Variants in CNTN5 observed in about 807,000 individuals in gnomAD.
CNTN5 encodes the protein contactin-5.
CNTN5 carries 77 observed loss-of-function variants against 129.1 expected under a neutral mutation model. That is an observed-to-expected ratio of 0.60 (90% confidence interval 0.50 to 0.72). The LOEUF (loss-of-function observed/expected upper bound fraction) is 0.72. CNTN5 is among the 30% of genes least tolerant of loss of function. The pLI, the probability that CNTN5 is intolerant of heterozygous loss-of-function variation, is 0.00. For synonymous variants in CNTN5, 509 were observed against 465.6 expected (o/e 1.09, Z -1.20); for missense variants, 1,478 against 1,328.8 (o/e 1.11, Z -1.75).
Position 99,844,851 on chromosome 11 carries a change from G to GA in CNTN5, c.280dup (p.Ser94LysfsTer14). On this transcript the variant is annotated frameshift_variant and splice_region_variant. Transcript: ENST00000524871. LOFTEE classifies it high-confidence loss of function. ...AAAATGTGTCTGTTTTGTCTTTACA[G>GA]AAAGTGTGGACTATGGGCCAGTTTT... The GA allele has an allele frequency of 6.2e-7, 1 of 1,609,584 alleles. No individual in the cohort carries two copies. Among genetic ancestry groups the GA allele is most frequent in the Non-Finnish European group, 8.5e-7 (1 of 1,178,248 alleles).
At chr11:99,620,336 A>T (rs963997883) in intron 3 of CNTN5, among the ~76,000 whole-genome samples, 1 of 142,974 alleles carries the variant, frequency 7.0e-6, no homozygotes, top group African/African-American at 2.5e-5. Flanking sequence ...GTACATTTAA[A>T]AATATCTTAA....
At chr11:99,088,651 CAT>C (rs1198248914) in intron 1 of CNTN5, among the ~76,000 whole-genome samples, 5 of 152,060 alleles carry the variant, frequency 3.3e-5, no homozygotes, top group African/African-American at 1.2e-4. Flanking sequence ...GTGGCAAACG[CAT>C]ATGTTATGTA....
At chr11:99,426,811 A>G (rs1455351272) in intron 2 of CNTN5, among the ~76,000 whole-genome samples, 3 of 152,180 alleles carry the variant, frequency 2.0e-5, no homozygotes, top group Admixed American at 2.0e-4. Context: ...ACCAGGTCTG[A>G]AGATAAGGCT....
chr11:100,259,833 G>A (rs536028314), intron 17 of CNTN5, among the ~76,000 whole-genome samples: 152 of 151,448 alleles, frequency 1.0e-3, no homozygotes, highest in African/African-American at 2.8e-3. Flanking sequence ...AATGCCCACC[G>A]GAGAAAGCGG....
chr11:100,336,682 A>G (rs1952044500), intron 21 of CNTN5, among the ~76,000 whole-genome samples: 1 of 152,230 alleles, frequency 6.6e-6, no homozygotes, highest in Non-Finnish European at 1.5e-5. Flanking sequence ...AGAAGTTTCA[A>G]CCTTAGAAAG....
intron 13 of CNTN5, among the ~76,000 whole-genome samples, chr11:100,132,330 T>C (rs1007822742): frequency 3.3e-5 from 5 of 152,084 alleles, no homozygotes; most frequent in African/African-American, 1.2e-4. Flanking sequence ...AGGGTGATAA[T>C]GGATGTAATG....
chr11:100,223,082 T>C (rs1314202593), intron 15 of CNTN5, among the ~76,000 whole-genome samples: 1 of 152,090 alleles, frequency 6.6e-6, no homozygotes, highest in African/African-American at 2.4e-5. Flanking sequence ...AGAAGATGAA[T>C]TCAGTTAGGA....
chr11:99,613,151 G>T (rs1015104245), intron 3 of CNTN5, among the ~76,000 whole-genome samples: 3 of 152,180 alleles, frequency 2.0e-5, no homozygotes, highest in African/African-American at 7.2e-5. Context: ...GTTAGGCTTT[G>T]TGTCCCCACC....
intron 3 of CNTN5, among the ~76,000 whole-genome samples, chr11:99,696,962 CT>C (rs1274724850): frequency 6.6e-6 from 1 of 151,814 alleles, no homozygotes; most frequent in Admixed American, 6.6e-5. Flanking sequence ...AACAAAAGTG[CT>C]TTACAGAACC....
intron 18 of CNTN5, among the ~76,000 whole-genome samples, chr11:100,273,280 G>T (rs1050995050): frequency 1.3e-5 from 2 of 152,068 alleles, no homozygotes; most frequent in Non-Finnish European, 2.9e-5. Context: ...CACTGCAGCC[G>T]CAGCGTCCCC....
chr11:99,903,230 A>T (rs2135957350), intron 6 of CNTN5, among the ~76,000 whole-genome samples: 1 of 152,060 alleles, frequency 6.6e-6, no homozygotes, highest in South Asian at 2.1e-4. Flanking sequence ...CAAAACACTC[A>T]AGCACACATA....
intron 6 of CNTN5, among the ~76,000 whole-genome samples, chr11:99,914,761 C>G (rs1949745598): frequency 6.6e-6 from 1 of 152,046 alleles, no homozygotes; most frequent in Admixed American, 6.6e-5. Context: ...TATTTGGTGT[C>G]ATGTCTTCAC....
intron 8 of CNTN5, among the ~76,000 whole-genome samples, chr11:99,982,107 C>T (rs1304286717): frequency 6.6e-6 from 1 of 152,130 alleles, no homozygotes; most frequent in Non-Finnish European, 1.5e-5. Flanking sequence ...ATGGAGAATA[C>T]TTGAGTGCAT....
chr11:100,005,266 T>TC (rs547318930), intron 9 of CNTN5, among the ~76,000 whole-genome samples: 18 of 152,002 alleles, frequency 1.2e-4, no homozygotes, highest in Non-Finnish European at 2.4e-4. Flanking sequence ...CCTTATCCTG[T>TC]CCCCCCCACA....
chr11:99,425,744 G>A (rs1943092867), intron 2 of CNTN5, among the ~76,000 whole-genome samples: 1 of 152,216 alleles, frequency 6.6e-6, no homozygotes, highest in Admixed American at 6.5e-5. Context: ...AGCCATGGCT[G>A]GGTGGCTGCA....
chr11:100,202,475 T>C (rs1948804601), intron 15 of CNTN5, among the ~76,000 whole-genome samples: 1 of 151,398 alleles, frequency 6.6e-6, no homozygotes, highest in Non-Finnish European at 1.5e-5. Context: ...ATTTATACAT[T>C]TCACTATCAT....
At chr11:99,032,035 C>T (rs949252057) in intron 1 of CNTN5, among the ~76,000 whole-genome samples, 8 of 150,530 alleles carry the variant, frequency 5.3e-5, no homozygotes, top group South Asian at 2.1e-4. Flanking sequence ...TTTGTTCTTG[C>T]GATAGTTTAC....
In CNTN5 at chr11:99,690,344, G is replaced by A. The variant is rs1017971473; in HGVS notation, c.56-129200G>A. ...TTGGTTACTGTAGTCTTATAGTATA[G>A]TTTGAAGTTGGGTAACATGATGCCT... On this transcript the variant is annotated intron_variant, in intron 3 of 24. Coordinates refer to ENST00000524871, the MANE Select transcript of CNTN5 (RefSeq NM_014361.4). Among the ~76,000 whole-genome samples the A allele has an allele frequency of 2.6e-4, 40 of 152,214 alleles. 1 individual carries two copies. Among genetic ancestry groups the A allele is most frequent in the African/African-American group, 9.1e-4 (38 of 41,548 alleles).
At chr11:99,734,846 A>G (rs1231526322) in intron 3 of CNTN5, among the ~76,000 whole-genome samples, 1 of 152,136 alleles carries the variant, frequency 6.6e-6, no homozygotes, top group Non-Finnish European at 1.5e-5. Flanking sequence ...GTCTCTACTA[A>G]AAATACAAAA....
Sources: allele counts gnomAD v4.1 joint callset (sites outside exome capture counted in the v4.1 genomes callset), GRCh38; gene constraint gnomAD v4.1.1; transcripts MANE v1.5; gene names NCBI Gene and HGNC (gene_info 2026-07-23, HGNC 2026-07-21).